The following KCNN2 variants were observed in gnomAD, a reference collection of about 807,000 sequenced individuals.
KCNN2 encodes the protein potassium calcium-activated channel subfamily N member 2, also known as small conductance calcium-activated potassium channel protein 2.
A neutral mutation model predicts 55.5 loss-of-function variants in KCNN2; 24 were observed. The ratio of observed to expected loss-of-function variants is 0.43; its 90% CI spans 0.31 to 0.61. The LOEUF (loss-of-function observed/expected upper bound fraction) is 0.61, where lower values mean the gene tolerates loss of function less well. KCNN2 is among the 20% of genes least tolerant of loss of function. KCNN2 has a pLI of 0.08. For missense variants in KCNN2, 754 were observed against 853.6 expected, an observed-to-expected ratio of 0.88 and a Z score of 1.45; for synonymous variants, 431 against 336.1, an observed-to-expected ratio of 1.28 and a Z score of -3.09.
intron 3 of KCNN2, among the ~76,000 whole-genome samples, chr5:114,436,958 G>A (rs1760025227): frequency 6.6e-6 from 1 of 152,090 alleles, no homozygotes; most frequent in South Asian, 2.1e-4. Flanking sequence ...AGCACTTTGA[G>A]CTAGAGGCTA....
At chr5:114,272,925 T>G (rs934234006) in intron 2 of KCNN2, among the ~76,000 whole-genome samples, 5 of 152,156 alleles carry the variant, frequency 3.3e-5, no homozygotes, top group African/African-American at 1.2e-4. Context: ...ATGTACAGAA[T>G]GTGCAGTTTC....
intron 1 of KCNN2, among the ~76,000 whole-genome samples, chr5:114,203,657 C>A (rs1291703675): frequency 6.6e-6 from 1 of 152,166 alleles, no homozygotes; most frequent in African/African-American, 2.4e-5. Flanking sequence ...TGGACCTCAT[C>A]CCTGGGCCTA....
intron 1 of KCNN2, among the ~76,000 whole-genome samples, chr5:114,205,957 G>T (rs1332155787): frequency 1.3e-5 from 2 of 152,086 alleles, no homozygotes; most frequent in Non-Finnish European, 2.9e-5. Context: ...TGTGCTAAAT[G>T]GTACCAAATA....
chr5:114,297,596 C>G (rs1326468264), intron 2 of KCNN2, among the ~76,000 whole-genome samples: 2 of 152,054 alleles, frequency 1.3e-5, no homozygotes, highest in African/African-American at 2.4e-5. Context: ...CTTCATAATA[C>G]TGCTTCTGAG....
intron 2 of KCNN2, among the ~76,000 whole-genome samples, chr5:114,375,953 T>TAC (rs1491237966): frequency 4.3e-4 from 7 of 16,280 alleles, no homozygotes; most frequent in African/African-American, 1.3e-3. Flanking sequence ...ACTCACAGTG[T>TAC]ATATATATAT....
intron 3 of KCNN2, among the ~76,000 whole-genome samples, chr5:114,441,649 T>C (rs747461204): frequency 7.9e-5 from 12 of 151,688 alleles, no homozygotes; most frequent in Non-Finnish European, 8.8e-5. Flanking sequence ...AAATGTATAA[T>C]TTTTTTTTCA....
At chr5:114,247,146 AAATAAT>A (rs1179142530) in intron 2 of KCNN2, among the ~76,000 whole-genome samples, 1 of 149,320 alleles carries the variant, frequency 6.7e-6, no homozygotes, top group African/African-American at 2.5e-5. Flanking sequence ...TCTACTAGAA[AAATAAT>A]AATAATAATA....
rs528796898 is a variant in KCNN2 at position 114,244,314 on chromosome 5, A to T, written c.-185+22749A>T. 1.8e-3 allele frequency among the ~76,000 whole-genome samples: 240 copies of T among 133,226 alleles called. 1 individual carries two copies. Among genetic ancestry groups the T allele is most frequent in the African/African-American group, 6.3e-3 (227 of 36,294 alleles). The allele number at this position is 133,226 out of a possible 152,430, so 87.4% of individuals were successfully genotyped here. On this transcript the variant is annotated intron_variant, in intron 2 of 10. Transcript: ENST00000512097. Reference sequence around the variant, plus strand: ...ATGGAATTTTTTTGCTTGTTTATTTAAAAAAAAAGAGGCTGGGCATGGCGG... The same window carrying T: ...ATGGAATTTTTTTGCTTGTTTATTTTAAAAAAAAGAGGCTGGGCATGGCGG...
At chr5:114,150,649 G>A (rs1465391958) in intron 1 of KCNN2, among the ~76,000 whole-genome samples, 3 of 152,126 alleles carry the variant, frequency 2.0e-5, no homozygotes, top group African/African-American at 2.4e-5. Context: ...CCTGTGACAA[G>A]AAGTCAAATG....
chr5:114,142,716 G>A (rs967473478), intron 1 of KCNN2, among the ~76,000 whole-genome samples: 3 of 152,046 alleles, frequency 2.0e-5, no homozygotes, highest in Non-Finnish European at 4.4e-5. Context: ...AAATAAAAGA[G>A]GACACAAACA....
chr5:114,457,531 C>A (rs1760986333), intron 3 of KCNN2, among the ~76,000 whole-genome samples: 1 of 152,090 alleles, frequency 6.6e-6, no homozygotes, highest in African/African-American at 2.4e-5. Flanking sequence ...GCATACTATA[C>A]CTATGTTATC....
At chr5:114,442,027 A>T (rs1316218893) in intron 3 of KCNN2, among the ~76,000 whole-genome samples, 1 of 152,220 alleles carries the variant, frequency 6.6e-6, no homozygotes, top group Non-Finnish European at 1.5e-5. Context: ...AGTATAGCTC[A>T]GAATCCCATT....
At chr5:114,270,529 C>G (rs1191550015) in intron 2 of KCNN2, among the ~76,000 whole-genome samples, 1 of 152,142 alleles carries the variant, frequency 6.6e-6, no homozygotes, top group Non-Finnish European at 1.5e-5. Flanking sequence ...TGTCAATACT[C>G]TTGAAACCAC....
chr5:114,324,789 A>C (rs1487777108), intron 2 of KCNN2, among the ~76,000 whole-genome samples: 1 of 152,232 alleles, frequency 6.6e-6, no homozygotes, highest in Non-Finnish European at 1.5e-5. Flanking sequence ...AGAAGCTGGA[A>C]GAATTTTCAT....
chr5:114,059,599 G>A (rs1750284358), intron 1 of KCNN2, among the ~76,000 whole-genome samples: 1 of 152,166 alleles, frequency 6.6e-6, no homozygotes, highest in African/African-American at 2.4e-5. Flanking sequence ...AGGGAAGGTG[G>A]GTAACTAGCC....
At chr5:114,446,936 A>C (rs1204990376) in intron 3 of KCNN2, among the ~76,000 whole-genome samples, 1 of 152,210 alleles carries the variant, frequency 6.6e-6, no homozygotes, top group Non-Finnish European at 1.5e-5. Flanking sequence ...AATTTATTAA[A>C]ATGACATAAA....
At chr5:114,214,861 C>T (rs140864494) in intron 1 of KCNN2, among the ~76,000 whole-genome samples, 12 of 152,134 alleles carry the variant, frequency 7.9e-5, no homozygotes, top group East Asian at 3.9e-4. Flanking sequence ...CAATGTTAAT[C>T]GAAAAGAGTA....
chr5:114,478,124 C>A (rs1346630129), intron 5 of KCNN2, among the ~76,000 whole-genome samples: 2 of 152,076 alleles, frequency 1.3e-5, no homozygotes, highest in African/African-American at 2.4e-5. Context: ...ACAAATCTAT[C>A]CCTGCTGCTG....
At chr5:114,233,159 A>C (rs1220305528) in intron 2 of KCNN2, among the ~76,000 whole-genome samples, 1 of 150,762 alleles carries the variant, frequency 6.6e-6, no homozygotes, top group Non-Finnish European at 1.5e-5. Flanking sequence ...TGACCTCGTG[A>C]TCCGCCCGCC....
Sources: gnomAD v4.1 joint callset for allele counts (sites outside exome capture counted in the v4.1 genomes callset) on GRCh38, gnomAD v4.1.1 for gene constraint, MANE v1.5 for transcripts, NCBI Gene and HGNC (gene_info 2026-07-23, HGNC 2026-07-21) for gene names.